Variants in ACOX1 observed in about 807,000 individuals in gnomAD.
ACOX1 encodes acyl-CoA oxidase 1, also known as peroxisomal acyl-coenzyme A oxidase 1.
ACOX1 carries 41 observed loss-of-function variants against 75.5 expected under a neutral mutation model. The observed-to-expected ratio is 0.54, with a 90% CI of 0.42 to 0.70. The LOEUF is 0.70. ACOX1 is among the 30% of genes least tolerant of loss of function. ACOX1 has a pLI of 0.00. For synonymous variants in ACOX1, 303 were observed against 298.8 expected, an observed-to-expected ratio of 1.01 and a Z score of -0.15; for missense variants, 630 against 837.5, an observed-to-expected ratio of 0.75 and a Z score of 3.06.
chr17:75,971,247 C>T (rs1187225030), intron 2 of ACOX1, among the ~76,000 whole-genome samples: 12 of 150,602 alleles, frequency 8.0e-5, no homozygotes, highest in Non-Finnish European at 1.2e-4. Context: ...GCCGAGATCG[C>T]GCCATTGCAC....
rs762657777 is a variant in ACOX1 at position 75,948,454 on chromosome 17, T to G, written c.1732A>C (p.Ser578Arg). ...GTAATCTGAGGCTCTGTCATGATGC[T>G]CCCCTAAAAGAGACCAAAATAAGTA... is the stretch of plus-strand genomic sequence containing the variant. Reference protein sequence around the residue: ...SQNAGDFLQGSIMTEPQITQV... With the variant: ...SQNAGDFLQGRIMTEPQITQV... The change falls in exon 13 of 14, where the codon AGC (serine) becomes CGC (arginine). Residue 578 changes from serine to arginine, a missense_variant. This residue lies in a region of ACOX1 where 240 missense variants were observed against 262.7 expected (regional missense o/e 0.91). Coordinates refer to ENST00000293217, the MANE Select transcript of ACOX1 (RefSeq NM_004035.7). 3 of 1,613,982 alleles carry G rather than the reference T, an allele frequency of 1.9e-6. No homozygotes were observed. The Admixed American group carries it at 5.0e-5, about 27-fold the overall frequency.
In ACOX1 at chr17:75,946,554, C is replaced by T; in HGVS notation, c.*194G>A. 1 of 588,198 alleles carries T rather than the reference C, an allele frequency of 1.7e-6. No homozygotes were observed. The highest frequency in any genetic ancestry group is 3.1e-6 in the Non-Finnish European group (1 of 326,492). 36.4% of individuals were successfully genotyped at this position (588,198 alleles called of 1,614,324 possible). A position where few individuals can be genotyped will look rare whatever the true frequency, so the allele number is the denominator to read the frequency against. On this transcript the variant is annotated 3_prime_UTR_variant, in exon 14 of 14. Transcript: ENST00000293217. Reference sequence around the variant, plus strand: ...TCTGAATGGTTTAACAGGTCTCTTTCAGTGTTAATTGCACTTAAAACATCT... The same window carrying T: ...TCTGAATGGTTTAACAGGTCTCTTTTAGTGTTAATTGCACTTAAAACATCT...
Position 75,960,978 on chromosome 17 carries a change from C to CAAA in ACOX1, c.270-606_270-604dup, listed in dbSNP as rs199662848. Among the ~76,000 whole-genome samples the CAAA allele has an allele frequency of 3.3e-5, 5 of 149,710 alleles. No individual in the cohort carries two copies. Among genetic ancestry groups the CAAA allele is most frequent in the African/African-American group, 1.2e-4 (5 of 40,712 alleles). On this transcript the variant is annotated intron_variant, in intron 2 of 13. Coordinates refer to ENST00000293217, the MANE Select transcript of ACOX1 (RefSeq NM_004035.7). This position sits in a 1 kb window ranked among gnomAD's most constrained non-coding sequence, Gnocchi z 4.4. ...TGGGTGACAGAGTGAGACTCTGTCTCAAAAAAAATAAATAAATAAATAAGA... is the reference window on the plus strand; with the variant it reads ...TGGGTGACAGAGTGAGACTCTGTCTCAAAAAAAAAAATAAATAAATAAATAAGA...
intron 7 of ACOX1, among the ~76,000 whole-genome samples, chr17:75,951,800 A>C (rs2065776597): frequency 6.8e-6 from 1 of 146,904 alleles, no homozygotes; most frequent in Non-Finnish European, 1.5e-5. Context: ...CTTAGATTTA[A>C]ATTGAGGCTT....
At chr17:75,959,092 T>G (rs926699378) in intron 3 of ACOX1, among the ~76,000 whole-genome samples, 1 of 152,218 alleles carries the variant, frequency 6.6e-6, no homozygotes, top group African/African-American at 2.4e-5. Flanking sequence ...GGTGGCAGTC[T>G]CTACAAAAAT....
chr17:75,970,556 GTAGGTGACTGAATTT>G (rs1423622234), intron 2 of ACOX1, among the ~76,000 whole-genome samples: 17 of 152,184 alleles, frequency 1.1e-4, no homozygotes, highest in Admixed American at 2.6e-4. Context: ...GAGACTTTCT[GTAGGTGACTGAATTT>G]TAGGATTTGG....
At chr17:75,948,512 AAT>A in intron 12 of ACOX1, 55 bp from the exon 13 acceptor site, 1 of 1,431,998 alleles carries the variant, frequency 7.0e-7, no homozygotes. Context: ...AGATAGACAT[AAT>A]TATATGCATA....
intron 2 of ACOX1, among the ~76,000 whole-genome samples, chr17:75,972,280 T>C (rs1377821624): frequency 7.2e-6 from 1 of 138,898 alleles, no homozygotes; most frequent in Non-Finnish European, 1.5e-5. Flanking sequence ...CGAGCCGAGA[T>C]GGCACAACTG....
intron 13 of ACOX1, among the ~76,000 whole-genome samples, 189 bp downstream of exon 13, chr17:75,948,062 T>G (rs2065738283): frequency 6.6e-6 from 1 of 152,146 alleles, no homozygotes; most frequent in South Asian, 2.1e-4. Context: ...AAATTGAAAT[T>G]GATTAAGACC....
At chr17:75,964,979 T>C (rs368529422) in intron 2 of ACOX1, among the ~76,000 whole-genome samples, 41 of 151,862 alleles carry the variant, frequency 2.7e-4, no homozygotes, top group Non-Finnish European at 5.4e-4. Flanking sequence ...TCCTAGGAAA[T>C]CAATAATGTC....
intron 3 of ACOX1, among the ~76,000 whole-genome samples, chr17:75,959,863 G>T (rs116909776): frequency 6.6e-6 from 1 of 152,128 alleles, no homozygotes; most frequent in Non-Finnish European, 1.5e-5. Flanking sequence ...AGTAGTAAAG[G>T]TAATCAGATA....
Position 75,960,090 on chromosome 17 carries a change from G to C in ACOX1, c.430+125C>G. 8.2e-7 allele frequency: 1 copy of C among 1,219,692 alleles called. No homozygotes were observed. Among genetic ancestry groups the C allele is most frequent in the Non-Finnish European group, 1.2e-6 (1 of 855,272 alleles). The allele number at this position is 1,219,692 out of a possible 1,614,324, so 75.6% of individuals were successfully genotyped here. A position where few individuals can be genotyped will look rare whatever the true frequency, so the allele number is the denominator to read the frequency against. On this transcript the variant is annotated intron_variant, in intron 3 of 13. Coordinates refer to ENST00000293217, the MANE Select transcript of ACOX1 (RefSeq NM_004035.7). This position sits in a 1 kb window ranked among gnomAD's most constrained non-coding sequence, Gnocchi z 4.4. The stretch of plus-strand genomic sequence containing the variant: ...TTTATACCAAAACCTGGACTCTGCA[G>C]AAAGAGCTCATTTAAACAGACCATA...
intron 2 of ACOX1, among the ~76,000 whole-genome samples, chr17:75,977,553 G>A (rs959545173): frequency 2.0e-5 from 3 of 152,018 alleles, no homozygotes; most frequent in African/African-American, 4.8e-5. Context: ...GCGACAGAGC[G>A]AGACTCCGTC....
chr17:75,975,941 AAAG>A (rs899971528), intron 2 of ACOX1, among the ~76,000 whole-genome samples: 1 of 141,886 alleles, frequency 7.0e-6, no homozygotes, highest in Non-Finnish European at 1.6e-5. Flanking sequence ...AAAAGAAAGA[AAAG>A]AAAAGAAAGA....
rs747762456 is a variant in ACOX1 at position 75,949,756 on chromosome 17, G to C, written c.1440C>G (p.Pro480=). 1 of 1,614,056 alleles carries C rather than the reference G, an allele frequency of 6.2e-7. No homozygotes were observed. Among genetic ancestry groups the C allele is most frequent in the Non-Finnish European group, 8.5e-7 (1 of 1,180,010 alleles). The change falls in exon 10 of 14, where the codon CCC becomes CCG. Residue 480 remains proline, a synonymous_variant. Coordinates refer to ENST00000293217, the MANE Select transcript of ACOX1 (RefSeq NM_004035.7). The part of the protein sequence containing the change: ...VWPTMVDINS[P]ESLTEAYKLR... Reference sequence around the variant, plus strand: ...GTTTATATGCTTCGGTTAGGCTTTCGGGGCTGTTGATATCCACCATGGTTG... The same window carrying C: ...GTTTATATGCTTCGGTTAGGCTTTCCGGGCTGTTGATATCCACCATGGTTG...
intron 2 of ACOX1, among the ~76,000 whole-genome samples, chr17:75,967,599 A>AATAT (rs753197282): frequency 1.4e-5 from 2 of 142,280 alleles, no homozygotes; most frequent in Non-Finnish European, 3.0e-5. Flanking sequence ...AAAAAATCGA[A>AATAT]ATATATATAT....
intron 2 of ACOX1, among the ~76,000 whole-genome samples, chr17:75,967,528 T>G (rs1025312861): frequency 1.3e-5 from 2 of 149,214 alleles, no homozygotes; most frequent in Non-Finnish European, 1.5e-5. Context: ...TTTATACCTA[T>G]GCAGAGAAGG....
rs1267361243 is a variant in ACOX1 at position 75,960,572 on chromosome 17, C to A, written c.270-197G>T. 6.6e-6 allele frequency among the ~76,000 whole-genome samples: 1 copy of A among 152,150 alleles called. No homozygotes were observed. The highest frequency in any genetic ancestry group is 1.5e-5 in the Non-Finnish European group (1 of 68,040). On this transcript the variant is annotated intron_variant, in intron 2 of 13. Coordinates refer to ENST00000293217, the MANE Select transcript of ACOX1 (RefSeq NM_004035.7). This position sits in a 1 kb window ranked among gnomAD's most constrained non-coding sequence, Gnocchi z 4.4. ...TTGTTAATTTCCATTTTTCCTGAGT[C>A]GGCAAGGAGTACGAGGACAGGGATT...
At chr17:75,958,557 C>T (rs947907812) in intron 3 of ACOX1, among the ~76,000 whole-genome samples, 1 of 150,718 alleles carries the variant, frequency 6.6e-6, no homozygotes, top group Non-Finnish European at 1.5e-5. Context: ...GCCTGTAATC[C>T]CAGCACTTTG....
Sources: allele counts gnomAD v4.1 joint callset (sites outside exome capture counted in the v4.1 genomes callset), GRCh38; gene constraint gnomAD v4.1.1; regional missense constraint gnomAD v4.1.1; non-coding constraint Gnocchi (gnomAD v3.1); transcripts MANE v1.5; gene names NCBI Gene and HGNC (gene_info 2026-07-23, HGNC 2026-07-21).